The following SERPINB10 variants were observed in gnomAD, a reference collection of about 807,000 sequenced individuals.
SERPINB10 encodes serpin B10.
A neutral mutation model predicts 39.1 loss-of-function variants in SERPINB10; 35 were observed. That is an observed-to-expected ratio of 0.90 (90% CI 0.68 to 1.19). The LOEUF (loss-of-function observed/expected upper bound fraction) is 1.19, where lower values mean the gene tolerates loss of function less well. Among genes scored for constraint, SERPINB10 ranks in the 50% most tolerant of loss-of-function variants. The pLI, the probability that SERPINB10 is intolerant of heterozygous loss-of-function variation, is 0.00. For missense variants in SERPINB10, 546 were observed against 460.5 expected (o/e 1.19, Z -1.70); for synonymous variants, 190 against 158.1 (o/e 1.20, Z -1.52).
intron 1 of SERPINB10, among the ~76,000 whole-genome samples, chr18:63,914,483 T>C (rs939988159): frequency 1.3e-5 from 2 of 152,116 alleles, no homozygotes; most frequent in African/African-American, 4.8e-5. Context: ...TTAAATCGTT[T>C]AACTTATTCG....
intron 5 of SERPINB10, 137 bp downstream of exon 5, chr18:63,920,042 T>G (rs2050135938): frequency 2.1e-6 from 1 of 482,854 alleles, no homozygotes; most frequent in Non-Finnish European, 3.7e-6. Flanking sequence ...AACATTTATT[T>G]CTATTCATGT....
intron 6 of SERPINB10, among the ~76,000 whole-genome samples, chr18:63,930,712 T>G (rs17072188): frequency 6.6e-6 from 1 of 152,140 alleles, no homozygotes; most frequent in Non-Finnish European, 1.5e-5. Context: ...GTTGTCAGGA[T>G]TTTTTCCTCT....
At chr18:63,918,410 A>G (rs1408873779) in intron 4 of SERPINB10, among the ~76,000 whole-genome samples, 1 of 152,042 alleles carries the variant, frequency 6.6e-6, no homozygotes, top group Non-Finnish European at 1.5e-5. Context: ...TGACCTTGGG[A>G]TGAGAGAAGT....
intron 5 of SERPINB10, among the ~76,000 whole-genome samples, chr18:63,925,889 G>A (rs144920276): frequency 3.3e-5 from 5 of 151,880 alleles, no homozygotes; most frequent in Non-Finnish European, 5.9e-5. Context: ...AAAAAAACCA[G>A]CCAGTCCTTT....
chr18:63,926,530 C>T (rs897561726), intron 5 of SERPINB10, among the ~76,000 whole-genome samples: 1 of 151,970 alleles, frequency 6.6e-6, no homozygotes, highest in Non-Finnish European at 1.5e-5. Context: ...GTGATACTCT[C>T]ACAAAAATGC....
intron 7 of SERPINB10, 131 bp from the exon 8 acceptor site, chr18:63,934,707 G>A (rs1477285139): frequency 1.2e-6 from 1 of 867,052 alleles, no homozygotes; most frequent in African/African-American, 1.7e-5. Context: ...CCAGATGTGT[G>A]TGTGTTGTCA....
At position 63,914,214 on chromosome 18, in the gene SERPINB10, T is replaced by C. The variant is rs570523462; in HGVS notation, c.-9-1288T>C. On this transcript the variant is annotated intron_variant, in intron 1 of 7. Coordinates refer to ENST00000238508, the MANE Select transcript of SERPINB10 (RefSeq NM_005024.3). ...CACATTAATGGGTCTTGTTTTTTAA[T>C]CCAACTTGCCACTCTGTGCTTTTTA... Among the ~76,000 whole-genome samples the C allele has an allele frequency of 2.0e-5, 3 of 152,222 alleles. No individual in the cohort carries two copies. In the South Asian group the frequency reaches 6.2e-4, roughly 32 times the overall value.
At chr18:63,910,048 T>A (rs1187989440) in intron 1 of SERPINB10, among the ~76,000 whole-genome samples, 1 of 151,998 alleles carries the variant, frequency 6.6e-6, no homozygotes, top group Non-Finnish European at 1.5e-5. Flanking sequence ...TTTGGTTAAG[T>A]GTAAGTTTAT....
At chr18:63,931,366 G>T (rs1050459397) in intron 6 of SERPINB10, among the ~76,000 whole-genome samples, 15 of 152,238 alleles carry the variant, frequency 9.9e-5, no homozygotes, top group African/African-American at 3.4e-4. Flanking sequence ...TTTGCCATTA[G>T]TTCTAGGAGG....
At chr18:63,931,582 G>C (rs191835803) in intron 6 of SERPINB10, among the ~76,000 whole-genome samples, 71 of 152,098 alleles carry the variant, frequency 4.7e-4, no homozygotes, top group Non-Finnish European at 3.7e-4. Flanking sequence ...TTTGGCAATT[G>C]GTCTTATTTT....
chr18:63,932,798 A>T (rs1384642765), intron 6 of SERPINB10, among the ~76,000 whole-genome samples: 1 of 152,208 alleles, frequency 6.6e-6, no homozygotes, highest in East Asian at 1.9e-4. Context: ...GATTTAATAC[A>T]TGTTGCTGTG....
chr18:63,916,397 A>G (rs1431889784), intron 2 of SERPINB10, among the ~76,000 whole-genome samples: 1 of 151,626 alleles, frequency 6.6e-6, no homozygotes, highest in East Asian at 1.9e-4. Context: ...ATCTTGCAAA[A>G]CCAAAAGGCC....
intron 6 of SERPINB10, among the ~76,000 whole-genome samples, chr18:63,932,407 A>G (rs2050229390): frequency 6.6e-6 from 1 of 152,158 alleles, no homozygotes; most frequent in South Asian, 2.1e-4. Flanking sequence ...TCATATCGTC[A>G]TCAGCATTTG....
intron 7 of SERPINB10, among the ~76,000 whole-genome samples, chr18:63,934,028 C>T (rs1280821272): frequency 6.6e-6 from 1 of 151,982 alleles, no homozygotes; most frequent in Non-Finnish European, 1.5e-5. Context: ...AGAGTCAAGC[C>T]CTTGTAAGAT....
At chr18:63,917,115 G>T (rs2050109224) in intron 2 of SERPINB10, among the ~76,000 whole-genome samples, 1 of 152,016 alleles carries the variant, frequency 6.6e-6, no homozygotes, top group Admixed American at 6.6e-5. Context: ...CTAAATGATG[G>T]TCTCAGTTGG....
At position 63,915,669 on chromosome 18, in the gene SERPINB10, A is replaced by G; in HGVS notation, c.159A>G (p.Gln53=). Residue 53 remains glutamine, a synonymous_variant, in exon 2 of 8, where the codon CAA becomes CAG. Transcript: ENST00000238508. The part of the protein sequence containing the change: ...YLGAKGTTAA[Q]MAQVLQFNRD... ...GCGCCAAAGGTACCACTGCAGCCCA[A>G]ATGGCCCAGGTGAGTGGAAAAGGTC... 2 of 1,608,882 alleles carry G rather than the reference A, an allele frequency of 1.2e-6. No homozygotes were observed. The highest frequency in any genetic ancestry group is 1.7e-6 in the Non-Finnish European group (2 of 1,176,854).
At chr18:63,914,940 T>G (rs1427320875) in intron 1 of SERPINB10, among the ~76,000 whole-genome samples, 2 of 152,098 alleles carry the variant, frequency 1.3e-5, no homozygotes, top group Non-Finnish European at 2.9e-5. Flanking sequence ...CAAACAGTCT[T>G]AACTTCTCAA....
intron 5 of SERPINB10, among the ~76,000 whole-genome samples, chr18:63,926,969 C>A (rs62097496): frequency 0.023 from 3,474 of 151,968 alleles, 118 homozygotes; most frequent in African/African-American, 0.072. Context: ...TAATTTTTAG[C>A]GTAATAGTGT....
At chr18:63,919,312 T>A (rs2050129007) in intron 4 of SERPINB10, among the ~76,000 whole-genome samples, 1 of 150,814 alleles carries the variant, frequency 6.6e-6, no homozygotes, top group Admixed American at 6.7e-5. Flanking sequence ...TGGCAGGATA[T>A]CATTTTCTTC....
Sources: allele counts gnomAD v4.1 joint callset (sites outside exome capture counted in the v4.1 genomes callset), GRCh38; gene constraint gnomAD v4.1.1; transcripts MANE v1.5; gene names NCBI Gene and HGNC (gene_info 2026-07-23, HGNC 2026-07-21).